HK2: variants seen among roughly 807,000 people sequenced by gnomAD.
HK2 encodes hexokinase 2, also known as hexokinase-2.
Under a neutral mutation model 92.9 loss-of-function variants are expected in HK2, and 42 were observed. The observed-to-expected ratio is 0.45, with a 90% CI of 0.35 to 0.58. The LOEUF is 0.58. HK2 is among the 20% of genes least tolerant of loss of function. HK2 has a pLI of 0.00. For synonymous variants in HK2, 422 were observed against 468.0 expected (o/e 0.90, Z 1.27); for missense variants, 978 against 1,245.1 (o/e 0.79, Z 3.23).
At chr2:74,880,191 G>A in intron 9 of HK2, 74 bp from the exon 10 acceptor site, 1 of 1,532,994 alleles carries the variant, frequency 6.5e-7, no homozygotes. Context: ...AAGGCGGTGG[G>A]CAACTGTCTA....
chr2:74,881,435 T>A (rs2103991444), intron 10 of HK2, among the ~76,000 whole-genome samples: 1 of 152,260 alleles, frequency 6.6e-6, no homozygotes, highest in Non-Finnish European at 1.5e-5. Context: ...ATGCAGTGTC[T>A]CCCTCACAGG....
chr2:74,870,789 G>A (rs1031892499), intron 3 of HK2, among the ~76,000 whole-genome samples: 3 of 152,152 alleles, frequency 2.0e-5, no homozygotes, highest in African/African-American at 7.2e-5. Context: ...CATGGCAAGA[G>A]AGCCTTGTCC....
chr2:74,837,586 T>C (rs1688196835), intron 1 of HK2, among the ~76,000 whole-genome samples: 1 of 152,118 alleles, frequency 6.6e-6, no homozygotes, highest in Non-Finnish European at 1.5e-5. Context: ...TGCCTCCCGC[T>C]TCTACCCCCC....
intron 16 of HK2, 92 bp downstream of exon 16, chr2:74,888,150 C>T (rs1255970036): frequency 5.7e-6 from 8 of 1,407,250 alleles, no homozygotes; most frequent in Non-Finnish European, 8.0e-6. Context: ...CAGGGCATGA[C>T]TCATACAAAA....
intron 8 of HK2, among the ~76,000 whole-genome samples, chr2:74,877,906 C>T (rs1193364676): frequency 2.6e-5 from 4 of 152,088 alleles, no homozygotes; most frequent in African/African-American, 9.7e-5. Context: ...TTGAGATTTC[C>T]ACTTGTAGAT....
chr2:74,886,430 A>G, intron 14 of HK2, 37 bp downstream of exon 14: 1 of 1,613,958 alleles, frequency 6.2e-7, no homozygotes, highest in Non-Finnish European at 8.5e-7. Context: ...ATGGGGATGC[A>G]CAGCCTTGGG....
chr2:74,838,646 C>T (rs1688230471), intron 1 of HK2, among the ~76,000 whole-genome samples: 2 of 150,834 alleles, frequency 1.3e-5, no homozygotes, highest in African/African-American at 2.4e-5. Context: ...TCACGCCATT[C>T]TCCTGCCTCA....
chr2:74,887,337 G>T (rs1689563195), intron 15 of HK2, among the ~76,000 whole-genome samples: 1 of 151,652 alleles, frequency 6.6e-6, no homozygotes, highest in African/African-American at 2.4e-5. Context: ...ATGGGCTATT[G>T]GTTGAAACTA....
At chr2:74,874,065 C>T (rs563913847) in intron 6 of HK2, 122 bp downstream of exon 6, 3 of 972,534 alleles carry the variant, frequency 3.1e-6, no homozygotes, top group Non-Finnish European at 4.9e-6. Flanking sequence ...GATAATGGTC[C>T]AGTCACTTTG....
rs1390344064 is a variant in HK2 at position 74,880,581 on chromosome 2, G to C, written c.1570+12G>C. 1 of 1,611,710 alleles carries C rather than the reference G, an allele frequency of 6.2e-7. No homozygotes were observed. Among genetic ancestry groups the C allele is most frequent in the Admixed American group, 1.7e-5 (1 of 59,654 alleles). ...CCCGGACGGCACAGGTACACGGCAG[G>C]GTTGCCACCTGGCTCACATGGTGGG... On this transcript the variant is annotated intron_variant, in intron 10 of 17. Transcript: ENST00000290573.
rs560502611 is a variant in HK2, at chr2:74,836,873, C to G, written c.63+2230C>G. 6.6e-5 allele frequency among the ~76,000 whole-genome samples: 10 copies of G among 152,336 alleles called. No homozygotes were observed. The East Asian group carries it at 1.7e-3, about 26-fold the overall frequency. On this transcript the variant is annotated intron_variant, in intron 1 of 17. Coordinates refer to ENST00000290573, the MANE Select transcript of HK2 (RefSeq NM_000189.5). ...AAAAGACCTTTTGATTTGGACCCTTCTGAAATCCCCTTGTGATAAGATAAT... is the reference window on the plus strand; with the variant it reads ...AAAAGACCTTTTGATTTGGACCCTTGTGAAATCCCCTTGTGATAAGATAAT...
At chr2:74,875,398 G>A (rs1689204430) in intron 7 of HK2, among the ~76,000 whole-genome samples, 2 of 130,634 alleles carry the variant, frequency 1.5e-5, no homozygotes, top group Admixed American at 9.2e-5. Context: ...GCGCAATCTT[G>A]GCTCACCGCA....
At chr2:74,863,643 C>G (rs1033998033) in intron 2 of HK2, among the ~76,000 whole-genome samples, 1 of 152,138 alleles carries the variant, frequency 6.6e-6, no homozygotes, top group African/African-American at 2.4e-5. Flanking sequence ...GTCCTCGTTT[C>G]ATTTGGAGTA....
In HK2 at chr2:74,854,604, G is replaced by C; in HGVS notation, c.226+149G>C. ...GGAATTGAATGGAAGGCTGTGTGAC[G>C]GATGGACAGGAAGCTTGGGAAAAGC... On this transcript the variant is annotated intron_variant, in intron 2 of 17. Transcript: ENST00000290573. 3 of 870,516 alleles carry C rather than the reference G, an allele frequency of 3.4e-6. No individual in the cohort carries two copies. In the South Asian group the frequency reaches 4.2e-5, roughly 12 times the overall value. 53.9% of individuals were successfully genotyped at this position (870,516 alleles called of 1,614,324 possible). A position where few individuals can be genotyped will look rare whatever the true frequency, so the allele number is the denominator to read the frequency against.
intron 7 of HK2, 46 bp from the exon 8 acceptor site, chr2:74,877,120 C>T (rs1217873301): frequency 6.2e-7 from 1 of 1,611,488 alleles, no homozygotes; most frequent in Non-Finnish European, 8.5e-7. Context: ...GCTATGAGTA[C>T]ATGGGCAGTG....
At position 74,874,178 on chromosome 2, in the gene HK2, G is replaced by A. The variant is rs983755550; in HGVS notation, c.692-88G>A. 52 of 1,527,012 alleles carry A rather than the reference G, an allele frequency of 3.4e-5. No individual in the cohort carries two copies. The Admixed American group carries it at 6.7e-4, about 20-fold the overall frequency. 94.6% of individuals were successfully genotyped at this position (1,527,012 alleles called of 1,614,324 possible). ...GTGAGAAATCCCAGCCATCCTGGCC[G>A]GGCAGTCTCGGGACAGTAGTATAAG... On this transcript the variant is annotated intron_variant, in intron 6 of 17. Transcript: ENST00000290573.
In HK2 at chr2:74,886,390, G is replaced by A; in HGVS notation, c.2032G>A (p.Val678Ile). 1 of 1,614,116 alleles carries A rather than the reference G, an allele frequency of 6.2e-7. No individual in the cohort carries two copies. The highest frequency in any genetic ancestry group is 2.2e-5 in the East Asian group (1 of 44,882). Residue 678 changes from valine to isoleucine, a missense_variant, in exon 14 of 18, where the codon GTT (valine) becomes ATT (isoleucine). Physicochemically the swap from Val to Ile is conservative, Grantham distance 29. Around this residue, in one of 3 missense-constraint regions of HK2, gnomAD observed 742 missense variants for 922.5 expected, o/e 0.80. Coordinates refer to ENST00000290573, the MANE Select transcript of HK2 (RefSeq NM_000189.5). ...CCCTCACTGTGAAGTTGGCCTCATT[G>A]TTGGTAAGGACCCAGACTGTCCTTT... ...EDPHCEVGLI[V>I]GTGSNACYME...
chr2:74,880,195 C>T, intron 9 of HK2, 70 bp from the exon 10 acceptor site: 1 of 1,551,300 alleles, frequency 6.4e-7, no homozygotes, highest in Admixed American at 1.7e-5. Flanking sequence ...CGGTGGGCAA[C>T]TGTCTAACTA....
intron 1 of HK2, among the ~76,000 whole-genome samples, chr2:74,847,498 T>C (rs1447585991): frequency 6.6e-6 from 1 of 152,050 alleles, no homozygotes; most frequent in African/African-American, 2.4e-5. Flanking sequence ...GACAACGCAG[T>C]GAGACTCTGT....
Sources: allele counts gnomAD v4.1 joint callset (sites outside exome capture counted in the v4.1 genomes callset), GRCh38; gene constraint gnomAD v4.1.1; regional missense constraint gnomAD v4.1.1; transcripts MANE v1.5; gene names NCBI Gene and HGNC (gene_info 2026-07-23, HGNC 2026-07-21).